Variants in LAP3 observed in about 807,000 individuals in gnomAD.
LAP3 encodes the protein cytosol aminopeptidase.
A neutral mutation model predicts 58.8 loss-of-function variants in LAP3; 46 were observed. The ratio of observed to expected loss-of-function variants is 0.78; its 90% confidence interval spans 0.62 to 1.00. The LOEUF is 1.00. LAP3 is among the 50% of genes least tolerant of loss of function. LAP3 has a pLI of 0.00. For synonymous variants in LAP3, 257 were observed against 237.7 expected (o/e 1.08, Z -0.75); for missense variants, 615 against 659.1 (o/e 0.93, Z 0.73).
At chr4:17,603,549 G>A (rs1480404597) in intron 10 of LAP3, among the ~76,000 whole-genome samples, 2 of 150,968 alleles carry the variant, frequency 1.3e-5, no homozygotes, top group African/African-American at 4.9e-5. Flanking sequence ...TTGTTGCTCA[G>A]GCTGGAGTGC....
intron 10 of LAP3, among the ~76,000 whole-genome samples, chr4:17,599,400 G>A (rs1451395259): frequency 6.6e-6 from 1 of 152,108 alleles, no homozygotes; most frequent in African/African-American, 2.4e-5. Context: ...AGTTGGGTGT[G>A]TGGCACGTGC....
chr4:17,577,455 G>C lies in LAP3; in HGVS notation c.-11G>C, dbSNP rs1470782083. 2 of 1,550,564 alleles carry C rather than the reference G, an allele frequency of 1.3e-6. No individual in the cohort carries two copies. The highest frequency in any genetic ancestry group is 1.7e-6 in the Non-Finnish European group (2 of 1,148,896). Reference sequence around the variant, plus strand: ...TCGCTGGAGGGCGGTGCGAGGGGCCGAGCCGACAAGATGTTCTTGCTGCCT... The same window carrying C: ...TCGCTGGAGGGCGGTGCGAGGGGCCCAGCCGACAAGATGTTCTTGCTGCCT... On this transcript the variant is annotated 5_prime_UTR_variant, in exon 1 of 13. Transcript: ENST00000226299.
At chr4:17,589,389 G>T (rs16895259) in intron 7 of LAP3, among the ~76,000 whole-genome samples, 3,043 of 152,116 alleles carry the variant, frequency 0.02, 107 homozygotes, top group African/African-American at 0.07. Flanking sequence ...AAAGCATGGT[G>T]TTTGGTTGAA....
chr4:17,579,020 CAA>C (rs931792024), intron 1 of LAP3, among the ~76,000 whole-genome samples: 2 of 152,160 alleles, frequency 1.3e-5, no homozygotes, highest in Non-Finnish European at 2.9e-5. Context: ...GATGTATTAA[CAA>C]GAGAAAAGGA....
intron 4 of LAP3, 192 bp downstream of exon 4, chr4:17,582,585 G>A (rs1001921962): frequency 8.5e-5 from 46 of 538,486 alleles, no homozygotes; most frequent in Non-Finnish European, 1.5e-4. Flanking sequence ...GTTAGCTAAT[G>A]GAATTTTATT....
At chr4:17,581,601 C>G (rs1184328975) in intron 2 of LAP3, among the ~76,000 whole-genome samples, 159 bp from the exon 3 acceptor site, 1 of 151,570 alleles carries the variant, frequency 6.6e-6, no homozygotes, top group Admixed American at 6.6e-5. Flanking sequence ...AGAAAGAAAT[C>G]TGGCTTGAGA....
chr4:17,582,230 G>C, intron 3 of LAP3, 58 bp from the exon 4 acceptor site: 3 of 1,391,864 alleles, frequency 2.2e-6, no homozygotes, highest in Non-Finnish European at 2.0e-6. Context: ...AGAATTCCTT[G>C]CTGGAAATGA....
At chr4:17,598,926 G>A (rs774314770) in intron 10 of LAP3, among the ~76,000 whole-genome samples, 3 of 151,984 alleles carry the variant, frequency 2.0e-5, no homozygotes, top group Admixed American at 6.6e-5. Flanking sequence ...TAGTAGAGAC[G>A]GGGTTTTTGC....
At chr4:17,585,220 T>A in intron 6 of LAP3, 84 bp downstream of exon 6, 2 of 1,157,326 alleles carry the variant, frequency 1.7e-6, no homozygotes, top group South Asian at 1.3e-5. Flanking sequence ...CCTCACTTTT[T>A]AGAGGAATAA....
At chr4:17,590,073 A>G (rs1017746119) in intron 7 of LAP3, among the ~76,000 whole-genome samples, 1 of 152,194 alleles carries the variant, frequency 6.6e-6, no homozygotes, top group Non-Finnish European at 1.5e-5. Flanking sequence ...GCCAGCGAGT[A>G]TGAGACGTAA....
chr4:17,599,891 T>C (rs944927640), intron 10 of LAP3, among the ~76,000 whole-genome samples: 1 of 152,204 alleles, frequency 6.6e-6, no homozygotes, highest in African/African-American at 2.4e-5. Context: ...GCAAGTTTCT[T>C]GGCCCTTTTG....
intron 4 of LAP3, 87 bp downstream of exon 4, chr4:17,582,480 G>A: frequency 1.0e-6 from 1 of 989,768 alleles, no homozygotes; most frequent in Non-Finnish European, 1.5e-6. Context: ...TTTACCAGTT[G>A]CCACCCCTTA....
chr4:17,593,617 T>TG (rs1248410916), intron 7 of LAP3, among the ~76,000 whole-genome samples: 1 of 137,008 alleles, frequency 7.3e-6, no homozygotes, highest in African/African-American at 2.7e-5. Flanking sequence ...GGGTTTTTTT[T>TG]TTTTTTTTTT....
chr4:17,577,477 G>C lies in LAP3; in HGVS notation c.12G>C (p.Leu4=), dbSNP rs746748058. 4 of 1,579,144 alleles carry C rather than the reference G, an allele frequency of 2.5e-6. No homozygotes were observed. The African/African-American group carries it at 4.1e-5, about 16-fold the overall frequency. MFL[L]PLPAAGRVVV... Reference sequence around the variant, plus strand: ...GCCGAGCCGACAAGATGTTCTTGCTGCCTCTTCCGGCTGCGGGGCGAGTAG... The same window carrying C: ...GCCGAGCCGACAAGATGTTCTTGCTCCCTCTTCCGGCTGCGGGGCGAGTAG... Residue 4 remains leucine, a synonymous_variant, in exon 1 of 13, where the codon CTG becomes CTC. Coordinates refer to ENST00000226299, the MANE Select transcript of LAP3 (RefSeq NM_015907.3).
intron 8 of LAP3, 48 bp downstream of exon 8, chr4:17,595,582 C>T (rs1476895279): frequency 1.9e-6 from 3 of 1,589,386 alleles, no homozygotes; most frequent in South Asian, 1.1e-5. Context: ...GGATTCTAGC[C>T]AGGTGGGAGA....
At chr4:17,606,584 C>T (rs1382313550) in intron 11 of LAP3, among the ~76,000 whole-genome samples, 4 of 152,190 alleles carry the variant, frequency 2.6e-5, no homozygotes, top group Non-Finnish European at 4.4e-5. Flanking sequence ...GTGATCCACC[C>T]GCCTCGGCCT....
At chr4:17,591,355 C>G (rs998182755) in intron 7 of LAP3, among the ~76,000 whole-genome samples, 2 of 151,328 alleles carry the variant, frequency 1.3e-5, no homozygotes, top group Admixed American at 6.6e-5. Flanking sequence ...GTTGGCCAGG[C>G]TCGTCTCAAA....
At chr4:17,588,713 T>C (rs1199731779) in intron 6 of LAP3, 106 bp from the exon 7 acceptor site, 2 of 1,075,812 alleles carry the variant, frequency 1.9e-6, no homozygotes, top group African/African-American at 3.2e-5. Flanking sequence ...GCGTATACTT[T>C]AAGAGTTTGT....
At chr4:17,592,443 A>G (rs1182132783) in intron 7 of LAP3, among the ~76,000 whole-genome samples, 1 of 152,190 alleles carries the variant, frequency 6.6e-6, no homozygotes, top group Non-Finnish European at 1.5e-5. Flanking sequence ...TGGAAATGCC[A>G]AATTTTGTTT....
Sources: allele counts gnomAD v4.1 joint callset (sites outside exome capture counted in the v4.1 genomes callset), GRCh38; gene constraint gnomAD v4.1.1; transcripts MANE v1.5; gene names NCBI Gene and HGNC (gene_info 2026-07-23, HGNC 2026-07-21).